GPX5: variants seen among roughly 807,000 people sequenced by gnomAD.
The protein encoded by GPX5 is glutathione peroxidase 5.
GPX5 carries 20 observed loss-of-function variants against 23.8 expected under a neutral mutation model. The observed-to-expected ratio is 0.84, with a 90% CI of 0.59 to 1.22. GPX5 has a LOEUF of 1.22. Ranked by LOEUF, GPX5 falls within the 50% of genes most tolerant of loss-of-function variation. The pLI is 0.00. For missense variants in GPX5, 230 were observed against 266.6 expected, an observed-to-expected ratio of 0.86 and a Z score of 0.96; for synonymous variants, 92 against 99.5, an observed-to-expected ratio of 0.92 and a Z score of 0.45.
At chr6:28,527,042 G>C (rs1022661344) in intron 1 of GPX5, 1 of 152,224 alleles carries the variant, frequency 6.6e-6, no homozygotes. Context: ...GTGCTTAATT[G>C]AGTGTGGAGA....
At chr6:28,532,487 A>C (rs1581856422) in intron 4 of GPX5, 67 bp downstream of exon 4, 2 of 1,062,738 alleles carry the variant, frequency 1.9e-6, no homozygotes, top group Non-Finnish European at 2.8e-6. Context: ...TTGGTGTGGC[A>C]GAAATGGATC....
In GPX5 at chr6:28,532,333, AG is replaced by A; in HGVS notation, c.377del (p.Gly126GlufsTer15). On this transcript the variant is annotated frameshift_variant, in exon 4 of 5. Coordinates refer to ENST00000412168, the MANE Select transcript of GPX5 (RefSeq NM_001509.3). LOFTEE classifies it high-confidence loss of function. ...ILPGLKYVRP[G>X]GGFVPSFQLF... ...TGGCTTGTTGCAGGTATGTCCGTCC[AG>A]GGGGAGGATTTGTACCTAGTTTCCA... 1.3e-6 allele frequency: 2 copies of A among 1,576,072 alleles called. No individual in the cohort carries two copies. Among genetic ancestry groups the A allele is most frequent in the South Asian group, 1.2e-5 (1 of 83,698 alleles).
rs751990199 is a variant in GPX5, at chr6:28,529,434, TA to T, written c.88-9del. On this transcript the variant is annotated splice_polypyrimidine_tract_variant and intron_variant, in intron 1 of 4. Transcript: ENST00000412168. ...AATTATTGTTACCAGTATTATCACT[TA>T]AAAAAAATCTTCCAGATGGATTGCC... 123 of 1,592,768 alleles carry T rather than the reference TA, an allele frequency of 7.7e-5. No homozygotes were observed. In the African/African-American group the frequency reaches 1.3e-3, roughly 16 times the overall value.
chr6:28,530,235 C>G (rs1763288313), intron 2 of GPX5: 2 of 152,326 alleles, frequency 1.3e-5, no homozygotes, highest in African/African-American at 4.8e-5. Context: ...TCTCCAACCT[C>G]AACCCCTTTT....
At chr6:28,530,831 C>T (rs1055166969) in intron 2 of GPX5, among the ~76,000 whole-genome samples, 2 of 152,074 alleles carry the variant, frequency 1.3e-5, no homozygotes, top group African/African-American at 4.8e-5. Flanking sequence ...TTTAAAAAGG[C>T]CTAGAGGAGG....
At chr6:28,531,048 A>G (rs1763301493) in intron 2 of GPX5, among the ~76,000 whole-genome samples, 1 of 152,198 alleles carries the variant, frequency 6.6e-6, no homozygotes. Context: ...CATCTTCAGC[A>G]TCTTAAGGAC....
At chr6:28,530,354 C>T (rs1301508453) in intron 2 of GPX5, among the ~76,000 whole-genome samples, 1 of 152,066 alleles carries the variant, frequency 6.6e-6, no homozygotes. Flanking sequence ...ATGGATTATA[C>T]CAGAGACAAA....
intron 1 of GPX5, chr6:28,528,185 A>G (rs2064424): frequency 0.12 from 18,152 of 152,188 alleles, 1,488 homozygotes; most frequent in East Asian, 0.42. Flanking sequence ...AAAAGCTGGG[A>G]TTTCAGAGTA....
intron 1 of GPX5, chr6:28,527,758 T>C (rs568875167): frequency 6.6e-6 from 1 of 152,336 alleles, no homozygotes; most frequent in Non-Finnish European, 1.5e-5. Flanking sequence ...CTGTATTCCA[T>C]GAGCAATTTG....
Position 28,532,011 on chromosome 6 carries a change from T to C in GPX5, c.359+116T>C, listed in dbSNP as rs1405656459. On this transcript the variant is annotated intron_variant, in intron 3 of 4. Transcript: ENST00000412168. ...GTATGGATTAATAGGCTCAGGGGCA[T>C]TACAAGCAGAGTTTAACTTTGGCCT... The C allele has an allele frequency of 3.8e-6, 3 of 781,862 alleles. No homozygotes were observed. In the African/African-American group the frequency reaches 5.2e-5, roughly 14 times the overall value. 48.4% of individuals were successfully genotyped at this position (781,862 alleles called of 1,614,324 possible).
chr6:28,532,212 C>T (rs1031982386), intron 3 of GPX5, 109 bp from the exon 4 acceptor site: 30 of 719,706 alleles, frequency 4.2e-5, no homozygotes, highest in African/African-American at 2.4e-4. Context: ...CCACCCACAA[C>T]GATACTTCCC....
chr6:28,531,396 AAAGAAAAG>A (rs1763317925), intron 2 of GPX5, among the ~76,000 whole-genome samples: 7 of 92,404 alleles, frequency 7.6e-5, no homozygotes, highest in South Asian at 8.3e-4. Flanking sequence ...AAAAAAAAGA[AAAGAAAAG>A]AAAAGAAAAG....
Position 28,534,420 on chromosome 6 carries a change from C to T in GPX5, c.*253C>T, listed in dbSNP as rs1188674319. The T allele has an allele frequency of 1.0e-5, 4 of 391,928 alleles. No individual in the cohort carries two copies. The East Asian group carries it at 1.1e-4, about 11-fold the overall frequency. 24.3% of individuals were successfully genotyped at this position (391,928 alleles called of 1,614,324 possible). A position where few individuals can be genotyped will look rare whatever the true frequency, so the allele number is the denominator to read the frequency against. ...CTGAAACAAATGGAAACCTAAAATC[C>T]CCAGACCTCTGTTACAGGTTGAATC... is the stretch of plus-strand genomic sequence containing the variant. On this transcript the variant is annotated 3_prime_UTR_variant, in exon 5 of 5. Coordinates refer to ENST00000412168, the MANE Select transcript of GPX5 (RefSeq NM_001509.3).
At chr6:28,528,574 C>G (rs1158425496) in intron 1 of GPX5, 1 of 152,050 alleles carries the variant, frequency 6.6e-6, no homozygotes, top group Non-Finnish European at 1.5e-5. Context: ...AATCCAGAGC[C>G]AAGGAGTAGC....
chr6:28,533,594 G>T (rs1362310505), intron 4 of GPX5, among the ~76,000 whole-genome samples: 1 of 152,110 alleles, frequency 6.6e-6, no homozygotes, highest in Non-Finnish European at 1.5e-5. Context: ...GGTCCCAAAA[G>T]ACAATTATTG....
chr6:28,533,992 G>T lies in GPX5; in HGVS notation c.491G>T (p.Gly164Val). The T allele has an allele frequency of 6.3e-7, 1 of 1,599,738 alleles. No homozygotes were observed. Residue 164 changes from glycine to valine, a missense_variant, in exon 5 of 5, where the codon GGC becomes GTC. By Grantham distance (109) the Gly-to-Val change is moderately radical. Transcript: ENST00000412168. ...TGTCCTCATCCCTCTGAGATTTTGG[G>T]CACATTCAAATCTATATCCTGGGAC... ...HSCPHPSEILGTFKSISWDPV... is the reference protein window; with the variant it reads ...HSCPHPSEILVTFKSISWDPV...
chr6:28,534,178 T>G lies in GPX5; in HGVS notation c.*11T>G, dbSNP rs534236562. The G allele has an allele frequency of 6.4e-7, 1 of 1,556,940 alleles. No individual in the cohort carries two copies. The highest frequency in any genetic ancestry group is 1.9e-5 in the Admixed American group (1 of 52,536). ...TTCAAAACCAAATAGGAAGGTGGAG[T>G]TAAGGGCAGGAGCAACCCTACTTCT... On this transcript the variant is annotated 3_prime_UTR_variant, in exon 5 of 5. Coordinates refer to ENST00000412168, the MANE Select transcript of GPX5 (RefSeq NM_001509.3).
Position 28,534,533 on chromosome 6 carries a change from C to A in GPX5, c.*366C>A. 5.2e-6 allele frequency: 1 copy of A among 191,028 alleles called. No homozygotes were observed. 11.8% of individuals were successfully genotyped at this position (191,028 alleles called of 1,614,324 possible). ...TGAAGAACATTCCTAGACATTCTGA[C>A]TCTTCCATCTCTCTCTACCCTGGAG... On this transcript the variant is annotated 3_prime_UTR_variant, in exon 5 of 5. Coordinates refer to ENST00000412168, the MANE Select transcript of GPX5 (RefSeq NM_001509.3).
intron 4 of GPX5, 63 bp downstream of exon 4, chr6:28,532,483 T>G (rs949269120): frequency 3.3e-5 from 36 of 1,076,494 alleles, no homozygotes; most frequent in Non-Finnish European, 4.8e-5. Context: ...AGAGTTGGTG[T>G]GGCAGAAATG....
Sources: allele counts gnomAD v4.1 joint callset (sites outside exome capture counted in the v4.1 genomes callset), GRCh38; gene constraint gnomAD v4.1.1; transcripts MANE v1.5; gene names NCBI Gene and HGNC (gene_info 2026-07-23, HGNC 2026-07-21).